RBFOX1: variants seen among roughly 807,000 people sequenced by gnomAD.
RBFOX1 encodes RNA binding fox-1 homolog 1, also known as RNA binding protein fox-1 homolog 1.
Under a neutral mutation model 57.7 loss-of-function variants are expected in RBFOX1, and 8 were observed. The ratio of observed to expected loss-of-function variants is 0.14; its 90% CI spans 0.08 to 0.25. RBFOX1 has a LOEUF of 0.25. Among genes scored for constraint, RBFOX1 ranks in the 10% least tolerant of loss-of-function variants. The pLI is 1.00. For missense variants in RBFOX1, 611 were observed against 548.5 expected, an observed-to-expected ratio of 1.11 and a Z score of -1.14; for synonymous variants, 326 against 222.4, an observed-to-expected ratio of 1.47 and a Z score of -4.15.
intron 3 of RBFOX1, among the ~76,000 whole-genome samples, chr16:6,665,445 C>G (rs755631516): frequency 6.6e-6 from 1 of 151,996 alleles, no homozygotes; most frequent in African/African-American, 2.4e-5. Context: ...GAAACCCCAT[C>G]GCTGCTAAAA....
chr16:6,944,556 C>G (rs2079132970), intron 3 of RBFOX1, among the ~76,000 whole-genome samples: 1 of 152,090 alleles, frequency 6.6e-6, no homozygotes, highest in South Asian at 2.1e-4. Context: ...TTTTGTAGAC[C>G]TCTTAGGAAA....
chr16:6,897,986 C>G (rs2067381526), intron 3 of RBFOX1, among the ~76,000 whole-genome samples: 1 of 152,112 alleles, frequency 6.6e-6, no homozygotes, highest in Non-Finnish European at 1.5e-5. Context: ...GTCTGTAACT[C>G]TGCTAAACTA....
At chr16:5,252,675 T>G (rs1395702061) in intron 1 of RBFOX1, among the ~76,000 whole-genome samples, 1 of 152,160 alleles carries the variant, frequency 6.6e-6, no homozygotes, top group Non-Finnish European at 1.5e-5. Flanking sequence ...CCCTGCCATC[T>G]CTCTCCAAAT....
intron 4 of RBFOX1, among the ~76,000 whole-genome samples, chr16:5,961,573 G>A (rs1051825825): frequency 6.6e-6 from 1 of 152,048 alleles, no homozygotes; most frequent in South Asian, 2.1e-4. Flanking sequence ...CAGGGTAAGT[G>A]CAGTGGTGCA....
At chr16:6,373,051 G>T (rs1255525087) in intron 2 of RBFOX1, among the ~76,000 whole-genome samples, 1 of 151,506 alleles carries the variant, frequency 6.6e-6, no homozygotes, top group Non-Finnish European at 1.5e-5. Context: ...GCAGAGTATA[G>T]TTGGATGGAA....
intron 4 of RBFOX1, among the ~76,000 whole-genome samples, chr16:7,409,613 T>C (rs10500356): frequency 0.45 from 68,497 of 152,122 alleles, 16,089 homozygotes; most frequent in East Asian, 0.86. Context: ...TTCGTTTGGA[T>C]GGTCTTAATA....
intron 1 of RBFOX1, among the ~76,000 whole-genome samples, chr16:6,131,521 A>G (rs1391434829): frequency 1.3e-5 from 2 of 152,234 alleles, no homozygotes; most frequent in African/African-American, 4.8e-5. Context: ...ATTCTGATCC[A>G]GAACATCTGG....
chr16:5,855,841 C>A (rs1186461789), intron 3 of RBFOX1, among the ~76,000 whole-genome samples: 1 of 151,660 alleles, frequency 6.6e-6, no homozygotes, highest in Non-Finnish European at 1.5e-5. Context: ...ATTTATTAAT[C>A]CTATCCGTGA....
At chr16:6,724,780 G>C (rs1005329152) in intron 3 of RBFOX1, among the ~76,000 whole-genome samples, 1 of 151,948 alleles carries the variant, frequency 6.6e-6, no homozygotes, top group Non-Finnish European at 1.5e-5. Flanking sequence ...AGAATGTGCA[G>C]GTTTGTTACA....
At chr16:5,861,628 G>T (rs903246029) in intron 3 of RBFOX1, among the ~76,000 whole-genome samples, 1 of 152,182 alleles carries the variant, frequency 6.6e-6, no homozygotes, top group Non-Finnish European at 1.5e-5. Flanking sequence ...AACATAAGCA[G>T]CCTTCACCCA....
At chr16:6,867,340 A>G (rs760677844) in intron 3 of RBFOX1, among the ~76,000 whole-genome samples, 1 of 152,048 alleles carries the variant, frequency 6.6e-6, no homozygotes, top group Non-Finnish European at 1.5e-5. Context: ...TTGTACAAGG[A>G]ATAACCTCTC....
At chr16:6,485,770 T>TA (rs1225032867) in intron 2 of RBFOX1, among the ~76,000 whole-genome samples, 1 of 152,200 alleles carries the variant, frequency 6.6e-6, no homozygotes, top group African/African-American at 2.4e-5. Context: ...CTCATGACTT[T>TA]ATTGGACTAA....
At chr16:7,098,490 T>A (rs879926160) in intron 4 of RBFOX1, among the ~76,000 whole-genome samples, 7 of 152,194 alleles carry the variant, frequency 4.6e-5, no homozygotes, top group East Asian at 1.9e-4. Context: ...CTTATTCTAT[T>A]CATTCATTTG....
At chr16:5,868,649 G>A (rs901706770) in intron 4 of RBFOX1, among the ~76,000 whole-genome samples, 2 of 152,198 alleles carry the variant, frequency 1.3e-5, no homozygotes, top group Non-Finnish European at 1.5e-5. Flanking sequence ...CATAGTGTGA[G>A]TGATTTCAGA....
At chr16:5,816,997 C>T (rs1208573887) in intron 3 of RBFOX1, among the ~76,000 whole-genome samples, 4 of 152,160 alleles carry the variant, frequency 2.6e-5, no homozygotes, top group Non-Finnish European at 4.4e-5. Flanking sequence ...CTGTCAGTCT[C>T]TCCTCTCATG....
intron 1 of RBFOX1, among the ~76,000 whole-genome samples, chr16:6,194,082 A>C (rs560072893): frequency 1.3e-5 from 2 of 152,218 alleles, no homozygotes; most frequent in African/African-American, 2.4e-5. Flanking sequence ...CACACATTCT[A>C]AGTAAGTGGA....
chr16:7,085,335 C>G (rs576161530), intron 4 of RBFOX1, among the ~76,000 whole-genome samples: 1 of 152,186 alleles, frequency 6.6e-6, no homozygotes, highest in East Asian at 1.9e-4. Context: ...GTAGACCTTA[C>G]CTTGCTGGAT....
At chr16:5,926,047 TG>T (rs1221753125) in intron 4 of RBFOX1, among the ~76,000 whole-genome samples, 14 of 152,190 alleles carry the variant, frequency 9.2e-5, no homozygotes, top group African/African-American at 3.1e-4. Flanking sequence ...ACTTGGGTGA[TG>T]TTCTGACTGT....
intron 1 of RBFOX1, among the ~76,000 whole-genome samples, chr16:6,239,218 A>G (rs541893118): frequency 6.6e-6 from 1 of 152,222 alleles, no homozygotes; most frequent in African/African-American, 2.4e-5. Flanking sequence ...TCACTAAATG[A>G]TGGTCATCTT....
Sources: gnomAD v4.1 joint callset for allele counts (sites outside exome capture counted in the v4.1 genomes callset) on GRCh38, gnomAD v4.1.1 for gene constraint, MANE v1.5 for transcripts, NCBI Gene and HGNC (gene_info 2026-07-23, HGNC 2026-07-21) for gene names.